Variants in REPS2 observed in about 807,000 individuals in gnomAD.
REPS2 encodes ralBP1-associated Eps domain-containing protein 2.
A neutral mutation model predicts 53.6 loss-of-function variants in REPS2; 23 were observed. The observed-to-expected ratio is 0.43, with a 90% confidence interval of 0.31 to 0.61. The LOEUF (loss-of-function observed/expected upper bound fraction) is 0.61. Among genes scored for constraint, REPS2 ranks in the 20% least tolerant of loss-of-function variants. REPS2 has a pLI of 0.11. For missense variants in REPS2, 446 were observed against 534.9 expected, an observed-to-expected ratio of 0.83 and a Z score of 1.64; for synonymous variants, 238 against 218.6, an observed-to-expected ratio of 1.09 and a Z score of -0.78.
At chrX:16,999,025 T>G (rs2061266686) in intron 1 of REPS2, among the ~76,000 whole-genome samples, 1 of 112,231 alleles carries the variant, frequency 8.9e-6, no homozygotes, top group African/African-American at 3.2e-5. Flanking sequence ...ATAGGTGAAA[T>G]TTTTGCAAAT....
At chrX:17,118,195 G>A (rs2063088743) in intron 14 of REPS2, among the ~76,000 whole-genome samples, 4 of 108,099 alleles carry the variant, frequency 3.7e-5, no homozygotes, top group Admixed American at 9.8e-5. Flanking sequence ...TCCTGACCTC[G>A]TGATCCGCCC....
downstream of REPS2, among the ~76,000 whole-genome samples, chrX:17,154,694 A>G (rs1320635979): frequency 2.7e-5 from 3 of 112,570 alleles, no homozygotes; most frequent in Non-Finnish European, 3.8e-5. Flanking sequence ...AGAAGATACA[A>G]TTACCTTTCA....
intron 1 of REPS2, among the ~76,000 whole-genome samples, chrX:16,974,475 A>C (rs760537352): frequency 9.1e-6 from 1 of 110,169 alleles, no homozygotes; most frequent in African/African-American, 3.3e-5. Context: ...GTGAAACCCC[A>C]TCTCTACTAA....
chrX:17,118,286 G>A (rs2063091682), intron 14 of REPS2, among the ~76,000 whole-genome samples: 2 of 105,604 alleles, frequency 1.9e-5, no homozygotes, highest in South Asian at 8.3e-4. Context: ...TGATTCATGT[G>A]GGACATTTAA....
downstream of REPS2, among the ~76,000 whole-genome samples, chrX:17,153,801 T>A (rs2063590477): frequency 9.0e-6 from 1 of 111,331 alleles, no homozygotes; most frequent in Non-Finnish European, 1.9e-5. Flanking sequence ...AATCTAGTAG[T>A]CCCAAAGGAC....
At chrX:17,066,844 G>T (rs1419425712) in intron 9 of REPS2, among the ~76,000 whole-genome samples, 4 of 112,291 alleles carry the variant, frequency 3.6e-5, no homozygotes, top group Non-Finnish European at 5.6e-5. Context: ...CTGCACTCCA[G>T]CCTGGGCAAC....
At position 17,137,840 on chromosome X, in the gene REPS2, C is replaced by G. The variant is rs180685033; in HGVS notation, c.1809-1016C>G. The stretch of plus-strand genomic sequence containing the variant: ...CCCAGTCTGGTCTCAAACTCCTGGC[C>G]TCAAGTGATCATCCTGCCTCAACCT... On this transcript the variant is annotated intron_variant, in intron 16 of 17. Transcript: ENST00000357277. 4.6e-4 allele frequency: 52 copies of G among 111,935 alleles called. 1 individual carries two copies. In the Admixed American group the frequency reaches 4.6e-3, roughly 10 times the overall value. 9.2% of individuals were successfully genotyped at this position (111,935 alleles called of 1,213,427 possible).
chrX:17,121,844 G>A (rs1212060010), intron 14 of REPS2, among the ~76,000 whole-genome samples: 1 of 111,050 alleles, frequency 9.0e-6, no homozygotes, highest in Non-Finnish European at 1.9e-5. Flanking sequence ...TCCACTTCCC[G>A]GGTTCAAGTA....
chrX:17,085,988 A>G (rs2062529221), intron 13 of REPS2, among the ~76,000 whole-genome samples: 1 of 111,846 alleles, frequency 8.9e-6, no homozygotes, highest in African/African-American at 3.2e-5. Flanking sequence ...AGTTTGTTCC[A>G]TTCAGAATTC....
intron 13 of REPS2, among the ~76,000 whole-genome samples, chrX:17,084,176 G>A (rs755555534): frequency 4.2e-4 from 47 of 110,816 alleles, no homozygotes; most frequent in African/African-American, 1.5e-3. Context: ...CATATAATAT[G>A]TGGTCTTTTG....
intron 2 of REPS2, among the ~76,000 whole-genome samples, chrX:17,006,971 G>A (rs1480713953): frequency 1.8e-5 from 2 of 112,385 alleles, no homozygotes; most frequent in Non-Finnish European, 3.8e-5. Context: ...TATTTCTGCT[G>A]CCTCAGGATT....
chrX:17,148,574 T>C lies in REPS2; in HGVS notation c.*1093T>C. On this transcript the variant is annotated 3_prime_UTR_variant, in exon 18 of 18. Coordinates refer to ENST00000357277, the MANE Select transcript of REPS2 (RefSeq NM_004726.3). The stretch of plus-strand genomic sequence containing the variant: ...TGTGACTGTTTTGTTCTCTGTAAAG[T>C]GTATTCTTGGGAAGTGATTGGTTTA... 8.0e-6 allele frequency: 1 copy of C among 125,348 alleles called. No individual in the cohort carries two copies. Among genetic ancestry groups the C allele is most frequent in the Non-Finnish European group, 1.6e-5 (1 of 61,103 alleles). The allele number at this position is 125,348 out of a possible 1,213,427, so 10.3% of individuals were successfully genotyped here. A position where few individuals can be genotyped will look rare whatever the true frequency, so the allele number is the denominator to read the frequency against.
At chrX:17,096,146 GTCCCA>G (rs1461727817) in intron 13 of REPS2, among the ~76,000 whole-genome samples, 81 of 111,731 alleles carry the variant, frequency 7.2e-4, no homozygotes, top group South Asian at 1.9e-3. Context: ...GTTTAAAGTG[GTCCCA>G]GGTTGATAGT....
intron 1 of REPS2, among the ~76,000 whole-genome samples, chrX:16,951,775 A>G (rs1013572037): frequency 2.7e-5 from 3 of 112,068 alleles, no homozygotes; most frequent in Non-Finnish European, 3.8e-5. Context: ...TTTGTATTTG[A>G]TGTAATGAAT....
At chrX:17,146,356 C>T (rs1217172686) in intron 17 of REPS2, among the ~76,000 whole-genome samples, 1 of 110,579 alleles carries the variant, frequency 9.0e-6, no homozygotes, top group Non-Finnish European at 1.9e-5. Flanking sequence ...GAATATCCTT[C>T]CCCCCATATC....
chrX:17,112,473 G>A (rs2062984850), intron 14 of REPS2, among the ~76,000 whole-genome samples: 1 of 111,413 alleles, frequency 9.0e-6, no homozygotes, highest in South Asian at 3.7e-4. Flanking sequence ...CCATATGTTA[G>A]GCCACAAAAC....
intron 14 of REPS2, among the ~76,000 whole-genome samples, chrX:17,118,941 T>TA (rs1475953919): frequency 6.2e-5 from 7 of 112,521 alleles, no homozygotes; most frequent in Non-Finnish European, 9.4e-5. Context: ...ATTTATGCAT[T>TA]TCAAAATTGA....
chrX:16,947,155 T>C (rs766119659), intron 1 of REPS2, 21 bp downstream of exon 1: 1 of 1,036,104 alleles, frequency 9.7e-7, no homozygotes, highest in Non-Finnish European at 1.2e-6. Context: ...CCGCCTCCTG[T>C]CCCTGCGGGT....
chrX:17,134,823 C>T (rs1439408264), intron 15 of REPS2, among the ~76,000 whole-genome samples: 4 of 110,030 alleles, frequency 3.6e-5, no homozygotes, highest in Non-Finnish European at 5.7e-5. Context: ...GGGGTTTCAC[C>T]GTGTTAGCCA....
Sources: allele counts gnomAD v4.1 joint callset (sites outside exome capture counted in the v4.1 genomes callset), GRCh38; gene constraint gnomAD v4.1.1; transcripts MANE v1.5; gene names NCBI Gene and HGNC (gene_info 2026-07-23, HGNC 2026-07-21).